Variants in DLG2 observed in about 807,000 individuals in gnomAD.
The protein encoded by DLG2 is discs large MAGUK scaffold protein 2.
Under a neutral mutation model 132.5 loss-of-function variants are expected in DLG2, and 45 were observed. The observed-to-expected ratio is 0.34, with a 90% CI of 0.27 to 0.44. The LOEUF (loss-of-function observed/expected upper bound fraction) is 0.44, where lower values mean the gene tolerates loss of function less well. Ranked by LOEUF, DLG2 falls within the 20% of genes least tolerant of loss-of-function variation. The pLI is 1.00. For synonymous variants in DLG2, 424 were observed against 419.6 expected, an observed-to-expected ratio of 1.01 and a Z score of -0.13; for missense variants, 1,045 against 1,196.9, an observed-to-expected ratio of 0.87 and a Z score of 1.87.
chr11:84,744,316 T>G (rs6592199), intron 6 of DLG2, among the ~76,000 whole-genome samples: 26,166 of 152,174 alleles, frequency 0.17, 2,617 homozygotes, highest in African/African-American at 0.26. Flanking sequence ...ACCTTTTAAC[T>G]CTTGCACAAT....
At chr11:83,528,889 T>C (rs938526139) in intron 21 of DLG2, among the ~76,000 whole-genome samples, 1 of 152,138 alleles carries the variant, frequency 6.6e-6, no homozygotes, top group Admixed American at 6.6e-5. Context: ...AATGAAGAGT[T>C]CTGGAAAAGT....
chr11:84,348,550 G>A (rs2098548946), intron 7 of DLG2, among the ~76,000 whole-genome samples: 1 of 152,128 alleles, frequency 6.6e-6, no homozygotes, highest in Non-Finnish European at 1.5e-5. Flanking sequence ...AATGCATGTA[G>A]GTAAGCTATG....
intron 9 of DLG2, among the ~76,000 whole-genome samples, chr11:84,111,347 G>C (rs1201720954): frequency 6.6e-6 from 1 of 152,152 alleles, no homozygotes; most frequent in Non-Finnish European, 1.5e-5. Context: ...AGATGCGAAG[G>C]CCCTTCCTTC....
At chr11:84,467,940 A>G (rs955093009) in intron 7 of DLG2, among the ~76,000 whole-genome samples, 10 of 151,558 alleles carry the variant, frequency 6.6e-5, no homozygotes, top group Admixed American at 4.6e-4. Flanking sequence ...ACTGCTAACA[A>G]TTATTGAATC....
chr11:83,839,187 T>C (rs1171719673), intron 16 of DLG2, among the ~76,000 whole-genome samples: 1 of 152,160 alleles, frequency 6.6e-6, no homozygotes, highest in East Asian at 1.9e-4. Flanking sequence ...TTTCAAACTA[T>C]CAAAACAAAT....
At chr11:85,615,811 C>T (rs148670301) in intron 2 of DLG2, among the ~76,000 whole-genome samples, 130 of 151,966 alleles carry the variant, frequency 8.6e-4, no homozygotes, top group Non-Finnish European at 1.6e-3. Context: ...TGCATCATTG[C>T]CATATCTGGA....
chr11:84,578,039 A>T (rs1432615515), intron 6 of DLG2, among the ~76,000 whole-genome samples: 2 of 152,212 alleles, frequency 1.3e-5, no homozygotes, highest in Non-Finnish European at 2.9e-5. Flanking sequence ...CAAGTCTTGG[A>T]AATTTCCATG....
At position 84,696,679 on chromosome 11, in the gene DLG2, T is replaced by C. The variant is rs191396262; in HGVS notation, c.358-161948A>G. The stretch of plus-strand genomic sequence containing the variant: ...AGCAAACAGAAGGCACTTTGTTATG[T>C]CTACCATGTAGACATACGGAGGAAG... On this transcript the variant is annotated intron_variant, in intron 6 of 27. Coordinates refer to ENST00000376104, the MANE Select transcript of DLG2 (RefSeq NM_001142699.3). Among the ~76,000 whole-genome samples, 17 of 151,504 alleles carry C rather than the reference T, an allele frequency of 1.1e-4. No individual in the cohort carries two copies. In the East Asian group the frequency reaches 3.3e-3, roughly 30 times the overall value.
chr11:85,126,048 A>G (rs1260858762), intron 5 of DLG2, among the ~76,000 whole-genome samples: 1 of 152,182 alleles, frequency 6.6e-6, no homozygotes, highest in Non-Finnish European at 1.5e-5. Context: ...TAGAATTTAG[A>G]TGGGTGGATG....
Position 85,425,712 on chromosome 11 carries a change from G to A in DLG2, c.41-140347C>T, listed in dbSNP as rs562368727. On this transcript the variant is annotated intron_variant, in intron 3 of 27. Transcript: ENST00000376104. ...CCACTCTACAGCTCCCAGCATGAGC[G>A]ACGCAGAAGATGGGTGATTTCTGCA... Among the ~76,000 whole-genome samples, 8 of 152,280 alleles carry A rather than the reference G, an allele frequency of 5.3e-5. 1 individual carries two copies. Among genetic ancestry groups the A allele is most frequent in the East Asian group, 3.9e-4 (2 of 5,170 alleles).
intron 3 of DLG2, among the ~76,000 whole-genome samples, chr11:85,354,984 T>C (rs2083581795): frequency 6.6e-6 from 1 of 152,202 alleles, no homozygotes; most frequent in Non-Finnish European, 1.5e-5. Context: ...GGATTTTTAG[T>C]TTTAAAAATT....
chr11:84,699,878 A>C (rs2059029189), intron 6 of DLG2, among the ~76,000 whole-genome samples: 1 of 151,626 alleles, frequency 6.6e-6, no homozygotes, highest in Admixed American at 6.6e-5. Context: ...TATGTTTGGG[A>C]AAGTGCATGA....
chr11:83,775,829 A>T (rs1430406916), intron 18 of DLG2, among the ~76,000 whole-genome samples: 8 of 152,238 alleles, frequency 5.3e-5, no homozygotes, highest in Admixed American at 2.6e-4. Flanking sequence ...GCAGTGGCTC[A>T]CGCCTGTAAT....
intron 7 of DLG2, among the ~76,000 whole-genome samples, chr11:84,389,649 T>C (rs1298668889): frequency 6.6e-6 from 1 of 152,148 alleles, no homozygotes; most frequent in Non-Finnish European, 1.5e-5. Context: ...TCCTCCAGAA[T>C]AATTTCACAC....
intron 6 of DLG2, among the ~76,000 whole-genome samples, chr11:84,772,872 C>A (rs1434222281): frequency 6.6e-6 from 1 of 151,878 alleles, no homozygotes; most frequent in Admixed American, 6.6e-5. Context: ...GACCTAATAT[C>A]ACACCAAGAA....
intron 8 of DLG2, among the ~76,000 whole-genome samples, chr11:84,170,557 G>A (rs1181954071): frequency 6.6e-6 from 1 of 152,194 alleles, no homozygotes; most frequent in Non-Finnish European, 1.5e-5. Flanking sequence ...TCCACCGGCA[G>A]TGAGTCAGAA....
intron 6 of DLG2, among the ~76,000 whole-genome samples, chr11:85,047,427 G>T (rs576992982): frequency 6.6e-6 from 1 of 151,902 alleles, no homozygotes; most frequent in South Asian, 2.1e-4. Context: ...TTCATATGTA[G>T]AGTCATTGTA....
chr11:84,256,369 A>C (rs1362149332), intron 7 of DLG2, among the ~76,000 whole-genome samples: 1 of 152,200 alleles, frequency 6.6e-6, no homozygotes, highest in Non-Finnish European at 1.5e-5. Context: ...GTCAGCCAAG[A>C]AACACTCTCA....
At chr11:85,298,122 TG>T (rs1004866475) in intron 3 of DLG2, among the ~76,000 whole-genome samples, 15 of 152,046 alleles carry the variant, frequency 9.9e-5, no homozygotes, top group African/African-American at 3.6e-4. Context: ...AATGGGAGAC[TG>T]GTTACATACA....
Sources: gnomAD v4.1 joint callset for allele counts (sites outside exome capture counted in the v4.1 genomes callset) on GRCh38, gnomAD v4.1.1 for gene constraint, MANE v1.5 for transcripts, NCBI Gene and HGNC (gene_info 2026-07-23, HGNC 2026-07-21) for gene names.